Variants in HPSE2 observed in about 807,000 individuals in gnomAD.
HPSE2 encodes inactive heparanase-2.
HPSE2 carries 38 observed loss-of-function variants against 60.5 expected under a neutral mutation model. The ratio of observed to expected loss-of-function variants is 0.63; its 90% CI spans 0.48 to 0.82. HPSE2 has a LOEUF of 0.82. HPSE2 is among the 40% of genes least tolerant of loss of function. The probability of loss-of-function intolerance (pLI) is 0.00; values close to 1 mark genes in which losing one functional copy is unlikely to be tolerated. For missense variants in HPSE2, 713 were observed against 740.4 expected, an observed-to-expected ratio of 0.96 and a Z score of 0.43; for synonymous variants, 295 against 293.2, an observed-to-expected ratio of 1.01 and a Z score of -0.06.
intron 4 of HPSE2, among the ~76,000 whole-genome samples, chr10:98,726,298 T>G (rs963009371): frequency 5.9e-5 from 9 of 152,090 alleles, no homozygotes; most frequent in Non-Finnish European, 1.2e-4. Context: ...TGGAATACTA[T>G]GCAGCCATAA....
intron 3 of HPSE2, among the ~76,000 whole-genome samples, chr10:98,768,323 T>C (rs1950169742): frequency 6.6e-6 from 1 of 152,146 alleles, no homozygotes; most frequent in South Asian, 2.1e-4. Context: ...ATTAAAAAGT[T>C]TGTCTCCGGA....
intron 3 of HPSE2, among the ~76,000 whole-genome samples, chr10:99,068,469 T>C (rs752828493): frequency 6.6e-6 from 1 of 152,016 alleles, no homozygotes; most frequent in Admixed American, 6.6e-5. Flanking sequence ...ACGGGAGAAG[T>C]TCCATTTATA....
Position 98,761,867 on chromosome 10 carries a change from C to T in HPSE2, c.611-17811G>A, listed in dbSNP as rs184768195. On this transcript the variant is annotated intron_variant, in intron 3 of 11. Coordinates refer to ENST00000370552, the MANE Select transcript of HPSE2 (RefSeq NM_021828.5). Reference sequence around the variant, plus strand: ...CCAAGTGGCAGAACAGTGTGATAGGCGCTAAAAGTAGAAATTCTGAAAAAC... The same window carrying T: ...CCAAGTGGCAGAACAGTGTGATAGGTGCTAAAAGTAGAAATTCTGAAAAAC... Among the ~76,000 whole-genome samples, 516 of 152,168 alleles carry T rather than the reference C, an allele frequency of 3.4e-3. 3 individuals carry two copies. Among genetic ancestry groups the T allele is most frequent in the Middle Eastern group, 0.01 (3 of 294 alleles).
chr10:98,461,954 A>C lies in HPSE2; in HGVS notation c.1614-2215T>G, dbSNP rs1422172079. 1.4e-5 allele frequency: 10 copies of C among 727,050 alleles called. No homozygotes were observed. The East Asian group carries it at 2.2e-4, about 16-fold the overall frequency. The allele number at this position is 727,050 out of a possible 1,614,324, so 45.0% of individuals were successfully genotyped here. ...AAAGCTAAGAGTAGAACCAGGAAGC[A>C]TGGTGAAGATTCTCTACTGAAATCT... On this transcript the variant is annotated intron_variant, in intron 11 of 11. Coordinates refer to ENST00000370552, the MANE Select transcript of HPSE2 (RefSeq NM_021828.5).
At chr10:98,622,095 TAGA>T (rs1037608352) in intron 7 of HPSE2, among the ~76,000 whole-genome samples, 3 of 152,200 alleles carry the variant, frequency 2.0e-5, no homozygotes, top group Admixed American at 2.0e-4. Context: ...TGTCCACTGC[TAGA>T]AGAATGGAAA....
intron 3 of HPSE2, among the ~76,000 whole-genome samples, chr10:98,870,478 CA>C (rs5787312): frequency 0.019 from 2,896 of 152,226 alleles, 99 homozygotes; most frequent in East Asian, 0.14. Context: ...ACTCTGTGAA[CA>C]AAAGGCCACT....
intron 3 of HPSE2, 85 bp downstream of exon 3, chr10:99,144,153 T>C: frequency 8.4e-7 from 1 of 1,189,736 alleles, no homozygotes; most frequent in Non-Finnish European, 1.2e-6. Flanking sequence ...AGTGATATAG[T>C]GGGTGTAGAC....
intron 3 of HPSE2, among the ~76,000 whole-genome samples, chr10:98,984,601 G>T (rs1298411898): frequency 6.6e-6 from 1 of 152,186 alleles, no homozygotes; most frequent in Non-Finnish European, 1.5e-5. Context: ...TCCTACAAAG[G>T]AACGCAGGTC....
chr10:98,464,398 C>G (rs1177998619), intron 11 of HPSE2, among the ~76,000 whole-genome samples: 2 of 152,202 alleles, frequency 1.3e-5, no homozygotes, highest in Non-Finnish European at 2.9e-5. Context: ...TGCAGTTTTG[C>G]TTCCGAGTCA....
At chr10:98,929,398 C>T (rs1250259646) in intron 3 of HPSE2, among the ~76,000 whole-genome samples, 1 of 144,276 alleles carries the variant, frequency 6.9e-6, no homozygotes. Flanking sequence ...CTTCAGATTT[C>T]TTGTCTGCAA....
chr10:98,992,298 T>G (rs1013459096), intron 3 of HPSE2, among the ~76,000 whole-genome samples: 9 of 151,692 alleles, frequency 5.9e-5, no homozygotes, highest in Admixed American at 1.3e-4. Context: ...TAAATAGTTG[T>G]TTTTTTTCAT....
intron 9 of HPSE2, among the ~76,000 whole-genome samples, chr10:98,542,976 A>G (rs2133828970): frequency 6.6e-6 from 1 of 152,162 alleles, no homozygotes; most frequent in South Asian, 2.1e-4. Context: ...AAATACAGAG[A>G]ATGCCACAAA....
chr10:99,153,039 C>A (rs370411726), intron 2 of HPSE2, among the ~76,000 whole-genome samples: 1 of 152,216 alleles, frequency 6.6e-6, no homozygotes, highest in Non-Finnish European at 1.5e-5. Flanking sequence ...TTGCGCATTT[C>A]GGACCGGCTT....
At chr10:98,520,000 C>T (rs533553098) in intron 9 of HPSE2, among the ~76,000 whole-genome samples, 7 of 152,294 alleles carry the variant, frequency 4.6e-5, no homozygotes, top group South Asian at 2.1e-4. Context: ...TGTGCAGACA[C>T]TCATTAACAA....
intron 4 of HPSE2, among the ~76,000 whole-genome samples, chr10:98,741,935 G>GT (rs1204614291): frequency 6.6e-6 from 1 of 152,108 alleles, no homozygotes; most frequent in Non-Finnish European, 1.5e-5. Flanking sequence ...TTTGAGGAGG[G>GT]TAAGGTTAGG....
intron 3 of HPSE2, among the ~76,000 whole-genome samples, chr10:98,837,239 G>A (rs1230965870): frequency 6.6e-6 from 1 of 152,172 alleles, no homozygotes; most frequent in Non-Finnish European, 1.5e-5. Flanking sequence ...GTTTGAAACA[G>A]CAACATCAAG....
At chr10:98,756,990 A>G (rs1949893216) in intron 3 of HPSE2, among the ~76,000 whole-genome samples, 1 of 152,204 alleles carries the variant, frequency 6.6e-6, no homozygotes, top group Non-Finnish European at 1.5e-5. Context: ...ACCACAATCA[A>G]GTAGGCTTTA....
At chr10:99,047,037 A>G (rs1957872047) in intron 3 of HPSE2, among the ~76,000 whole-genome samples, 1 of 152,170 alleles carries the variant, frequency 6.6e-6, no homozygotes, top group Non-Finnish European at 1.5e-5. Context: ...CAAAGAACAA[A>G]TGTGGAGACA....
At chr10:99,279,233 A>G in the HPSE2 span, among the ~76,000 whole-genome samples, 1 of 152,228 alleles carries the variant, frequency 6.6e-6, no homozygotes, top group Non-Finnish European at 1.5e-5. Flanking sequence ...ATTGCTCTTT[A>G]CTGATACCAT....
Sources: allele counts gnomAD v4.1 joint callset (sites outside exome capture counted in the v4.1 genomes callset), GRCh38; gene constraint gnomAD v4.1.1; transcripts MANE v1.5; gene names NCBI Gene and HGNC (gene_info 2026-07-23, HGNC 2026-07-21).